NRXN3: variants seen among roughly 807,000 people sequenced by gnomAD.
NRXN3 encodes neurexin III.
Under a neutral mutation model 137.6 loss-of-function variants are expected in NRXN3, and 32 were observed. The ratio of observed to expected loss-of-function variants is 0.23; its 90% CI spans 0.18 to 0.31. The LOEUF (loss-of-function observed/expected upper bound fraction) is 0.31. NRXN3 is among the 10% of genes least tolerant of loss of function. The pLI, the probability that NRXN3 is intolerant of heterozygous loss-of-function variation, is 1.00. For synonymous variants in NRXN3, 798 were observed against 784.5 expected (o/e 1.02, Z -0.29); for missense variants, 1,574 against 2,062.5 (o/e 0.76, Z 4.59).
chr14:78,437,405 G>A (rs2094108678), intron 4 of NRXN3, among the ~76,000 whole-genome samples: 1 of 150,930 alleles, frequency 6.6e-6, no homozygotes, highest in Admixed American at 6.6e-5. Context: ...CTGGAGTGCA[G>A]TGGCATGATC....
At position 78,822,044 on chromosome 14, in the gene NRXN3, T is replaced by C. The variant is rs192290848; in HGVS notation, c.2275+11700T>C. On this transcript the variant is annotated intron_variant, in intron 10 of 20. Transcript: ENST00000335750. ...AGGAGTAGGAATCTCATGGTTAACA[T>C]TTCAAAGGCATGAAAATTGAATACT... Among the ~76,000 whole-genome samples, 503 of 152,314 alleles carry C rather than the reference T, an allele frequency of 3.3e-3. 3 individuals carry two copies. The highest frequency in any genetic ancestry group is 0.011 in the African/African-American group (460 of 41,574).
chr14:79,028,519 G>A (rs1023607075), intron 15 of NRXN3, among the ~76,000 whole-genome samples: 2 of 152,148 alleles, frequency 1.3e-5, no homozygotes, highest in Non-Finnish European at 2.9e-5. Context: ...GTCTTTTTAG[G>A]CAGTTCCTCT....
At chr14:78,177,263 A>G (rs543172224) in intron 1 of NRXN3, among the ~76,000 whole-genome samples, 2 of 152,268 alleles carry the variant, frequency 1.3e-5, no homozygotes, top group Admixed American at 6.5e-5. Flanking sequence ...GTTGGGGGGC[A>G]TGATGTCATA....
chr14:78,919,846 G>A (rs142565282), intron 10 of NRXN3, among the ~76,000 whole-genome samples: 2,022 of 152,150 alleles, frequency 0.013, 50 homozygotes, highest in African/African-American at 0.046. Context: ...AAAATTAACA[G>A]TAATAATGTT....
intron 15 of NRXN3, among the ~76,000 whole-genome samples, chr14:79,376,214 GTATATATATA>G (rs1159913935): frequency 0.12 from 8,797 of 70,700 alleles, 663 homozygotes; most frequent in East Asian, 0.22. Flanking sequence ...GTGTGTGTAT[GTATATATATA>G]TATATATATA....
intron 20 of NRXN3, among the ~76,000 whole-genome samples, chr14:79,832,628 C>T (rs1029605012): frequency 3.3e-5 from 5 of 152,080 alleles, no homozygotes; most frequent in Non-Finnish European, 5.9e-5. Flanking sequence ...AGACAGCCCC[C>T]ACCACAGAGA....
intron 4 of NRXN3, among the ~76,000 whole-genome samples, chr14:78,432,268 T>C (rs1203509942): frequency 6.6e-6 from 1 of 151,872 alleles, no homozygotes; most frequent in Non-Finnish European, 1.5e-5. Context: ...TGTGTATGGC[T>C]TGCCAGACCC....
intron 4 of NRXN3, among the ~76,000 whole-genome samples, chr14:78,396,740 T>G (rs2091495092): frequency 1.3e-5 from 2 of 152,248 alleles, no homozygotes; most frequent in African/African-American, 4.8e-5. Flanking sequence ...TTTCTCTGAC[T>G]GTTTTCAAGA....
chr14:79,464,453 A>G (rs1241571483), intron 15 of NRXN3, among the ~76,000 whole-genome samples: 2 of 152,098 alleles, frequency 1.3e-5, no homozygotes, highest in African/African-American at 2.4e-5. Flanking sequence ...CTAACCATAT[A>G]TAAGAAATTA....
chr14:78,600,016 C>T (rs1473700764), intron 4 of NRXN3, among the ~76,000 whole-genome samples: 1 of 152,130 alleles, frequency 6.6e-6, no homozygotes, highest in African/African-American at 2.4e-5. Flanking sequence ...GCAGAAGCAC[C>T]ACTATAAACT....
At chr14:79,036,477 G>A (rs1304230783) in intron 15 of NRXN3, among the ~76,000 whole-genome samples, 1 of 151,786 alleles carries the variant, frequency 6.6e-6, no homozygotes, top group Non-Finnish European at 1.5e-5. Context: ...GATGAGTTAT[G>A]GGTGAATACT....
At chr14:79,194,893 T>C (rs1045205914) in intron 15 of NRXN3, among the ~76,000 whole-genome samples, 4 of 152,338 alleles carry the variant, frequency 2.6e-5, no homozygotes, top group Admixed American at 6.5e-5. Flanking sequence ...TTAACTGATT[T>C]TTCTAATTTA....
intron 4 of NRXN3, among the ~76,000 whole-genome samples, chr14:78,354,998 C>A (rs2084062622): frequency 6.6e-6 from 1 of 152,140 alleles, no homozygotes; most frequent in African/African-American, 2.4e-5. Flanking sequence ...GAGACCCTAC[C>A]TTGAACCAGG....
chr14:79,092,514 A>C (rs1324250556), intron 15 of NRXN3, among the ~76,000 whole-genome samples: 2 of 152,052 alleles, frequency 1.3e-5, no homozygotes, highest in Non-Finnish European at 2.9e-5. Flanking sequence ...CTTGCCCTAA[A>C]AGTTTTAGTT....
chr14:79,187,202 T>C (rs1174100025), intron 15 of NRXN3, among the ~76,000 whole-genome samples: 1 of 152,218 alleles, frequency 6.6e-6, no homozygotes, highest in East Asian at 1.9e-4. Flanking sequence ...AAGTGTACCA[T>C]GAGCGGAGTC....
intron 15 of NRXN3, among the ~76,000 whole-genome samples, chr14:79,400,299 A>G (rs992060523): frequency 1.3e-5 from 2 of 152,196 alleles, no homozygotes; most frequent in South Asian, 2.1e-4. Flanking sequence ...TGGGAAGACT[A>G]CGTAGGCATA....
rs1351294997 is a variant in NRXN3, at chr14:78,709,423, C to T, written c.1428C>T (p.Arg476=). Residue 476 remains arginine, a synonymous_variant, in exon 7 of 21, where the codon CGC becomes CGT. Coordinates refer to ENST00000335750, the MANE Select transcript of NRXN3 (RefSeq NM_001330195.2). ...TGGGCTCCATCTCCTTTGACTTCCGCACCACAGAGCCCAATGGCCTGATCC... is the reference window on the plus strand; with the variant it reads ...TGGGCTCCATCTCCTTTGACTTCCGTACCACAGAGCCCAATGGCCTGATCC... The part of the protein sequence containing the change: ...KRMGSISFDF[R]TTEPNGLILF... 7 of 1,614,038 alleles carry T rather than the reference C, an allele frequency of 4.3e-6. No homozygotes were observed. The South Asian group carries it at 5.5e-5, about 13-fold the overall frequency.
Position 78,554,542 on chromosome 14 carries a change from G to A in NRXN3, c.758-90578G>A, listed in dbSNP as rs17107844. On this transcript the variant is annotated intron_variant, in intron 4 of 20. Coordinates refer to ENST00000335750, the MANE Select transcript of NRXN3 (RefSeq NM_001330195.2). The stretch of plus-strand genomic sequence containing the variant: ...TATAGGTCACTCTGTGCAGGTTAGT[G>A]GCCCGAAAATCTGCCCTTCAAAGGA... 5.5e-3 allele frequency among the ~76,000 whole-genome samples: 834 copies of A among 152,208 alleles called. 47 individuals carry two copies. In the East Asian group the frequency reaches 0.11, roughly 20 times the overall value.
At chr14:78,261,236 CA>C (rs2070673350) in intron 2 of NRXN3, among the ~76,000 whole-genome samples, 1 of 152,214 alleles carries the variant, frequency 6.6e-6, no homozygotes, top group Admixed American at 6.5e-5. Context: ...GGGTCTCTAG[CA>C]TGCAAAGACA....
Sources: gnomAD v4.1 joint callset for allele counts (sites outside exome capture counted in the v4.1 genomes callset) on GRCh38, gnomAD v4.1.1 for gene constraint, MANE v1.5 for transcripts, NCBI Gene and HGNC (gene_info 2026-07-23, HGNC 2026-07-21) for gene names.